Variants in CALN1 observed in about 807,000 individuals in gnomAD.
The protein encoded by CALN1 is calcium-binding protein 8.
Under a neutral mutation model 30.6 loss-of-function variants are expected in CALN1, and 17 were observed. That is an observed-to-expected ratio of 0.56 (90% confidence interval 0.38 to 0.83). The LOEUF (loss-of-function observed/expected upper bound fraction) is 0.83. CALN1 is among the 40% of genes least tolerant of loss of function. CALN1 has a pLI of 0.00. For synonymous variants in CALN1, 156 were observed against 131.4 expected (o/e 1.19, Z -1.28); for missense variants, 291 against 354.9 (o/e 0.82, Z 1.45).
chr7:71,831,149 A>T (rs1195654568), intron 5 of CALN1, among the ~76,000 whole-genome samples: 2 of 152,140 alleles, frequency 1.3e-5, no homozygotes, highest in Non-Finnish European at 2.9e-5. Context: ...ATGACTTGGA[A>T]TCTGTTTCCT....
At chr7:72,057,901 G>A (rs748103114) in intron 4 of CALN1, among the ~76,000 whole-genome samples, 2 of 152,166 alleles carry the variant, frequency 1.3e-5, no homozygotes, top group Non-Finnish European at 2.9e-5. Flanking sequence ...ACATGAAAGC[G>A]TTCTTGAGGG....
intron 5 of CALN1, among the ~76,000 whole-genome samples, chr7:71,846,950 C>A (rs13241494): frequency 7.1e-6 from 1 of 141,436 alleles, no homozygotes; most frequent in Non-Finnish European, 1.5e-5. Context: ...TGTATATATA[C>A]ATATATAATA....
intron 4 of CALN1, among the ~76,000 whole-genome samples, chr7:72,026,594 A>G (rs893070752): frequency 4.0e-5 from 6 of 151,788 alleles, no homozygotes; most frequent in African/African-American, 1.2e-4. Flanking sequence ...GGGGAAAAAA[A>G]AAATAGAGAG....
chr7:72,052,359 G>C (rs1802888021), intron 4 of CALN1, among the ~76,000 whole-genome samples: 3 of 152,126 alleles, frequency 2.0e-5, no homozygotes, highest in Admixed American at 6.5e-5. Context: ...TGGAGGGAAG[G>C]TAGAGAGAAG....
chr7:72,377,436 C>CGTGTGTGTGTGTGTGTGTGTGTGT (rs138060244), intron 2 of CALN1, among the ~76,000 whole-genome samples: 1 of 142,336 alleles, frequency 7.0e-6, no homozygotes, highest in East Asian at 2.1e-4. Flanking sequence ...GCCACACTTT[C>CGTGTGTGTGTGTGTGTGTGTGTGT]GTGTGTGTGT....
chr7:72,389,663 T>C (rs1488075606), intron 2 of CALN1, among the ~76,000 whole-genome samples: 2 of 152,194 alleles, frequency 1.3e-5, no homozygotes, highest in Non-Finnish European at 2.9e-5. Context: ...CTTGTGCCTG[T>C]AATCCCAACA....
chr7:72,458,074 G>A, the CALN1 span, among the ~76,000 whole-genome samples: 4 of 144,388 alleles, frequency 2.8e-5, no homozygotes. Flanking sequence ...TATTCTTAGT[G>A]CCTGGTACAG....
At chr7:72,257,071 A>C (rs1795962589) in intron 3 of CALN1, among the ~76,000 whole-genome samples, 1 of 152,190 alleles carries the variant, frequency 6.6e-6, no homozygotes. Context: ...GGGAGGCCTC[A>C]AGAAACTTAC....
intron 5 of CALN1, among the ~76,000 whole-genome samples, chr7:71,868,609 T>A (rs1445990457): frequency 6.6e-6 from 1 of 151,974 alleles, no homozygotes; most frequent in Non-Finnish European, 1.5e-5. Context: ...TGACCTCAGG[T>A]TATCCATCTG....
At chr7:72,320,909 C>A (rs1188691146) in intron 2 of CALN1, among the ~76,000 whole-genome samples, 2 of 150,648 alleles carry the variant, frequency 1.3e-5, no homozygotes, top group Non-Finnish European at 3.0e-5. Flanking sequence ...CTTTTGAAGT[C>A]ATGAGTCCAA....
At chr7:72,003,076 G>A (rs957751406) in intron 5 of CALN1, among the ~76,000 whole-genome samples, 1 of 152,134 alleles carries the variant, frequency 6.6e-6, no homozygotes, top group African/African-American at 2.4e-5. Flanking sequence ...TAATTGATAT[G>A]TTAATTAGCT....
intron 5 of CALN1, among the ~76,000 whole-genome samples, chr7:71,845,738 C>G (rs140341338): frequency 2.0e-5 from 3 of 152,090 alleles, no homozygotes; most frequent in South Asian, 4.2e-4. Flanking sequence ...TAGGGCTGAC[C>G]TGGGATTTCC....
At chr7:71,885,829 T>C (rs1792869663) in intron 5 of CALN1, among the ~76,000 whole-genome samples, 1 of 152,218 alleles carries the variant, frequency 6.6e-6, no homozygotes, top group Non-Finnish European at 1.5e-5. Flanking sequence ...TCTATTTTCA[T>C]CCTTTCCCCT....
chr7:72,279,036 T>A (rs937030712), intron 2 of CALN1, among the ~76,000 whole-genome samples: 5 of 152,132 alleles, frequency 3.3e-5, no homozygotes. Flanking sequence ...TACTTCATTT[T>A]CCCCATTTAA....
chr7:72,226,273 G>A (rs1204323994), intron 3 of CALN1, among the ~76,000 whole-genome samples: 3 of 151,582 alleles, frequency 2.0e-5, no homozygotes, highest in Non-Finnish European at 2.9e-5. Flanking sequence ...AAGAAAGAAA[G>A]AATTAGCAAT....
intron 4 of CALN1, among the ~76,000 whole-genome samples, chr7:72,045,984 G>A (rs1430232580): frequency 3.0e-5 from 4 of 133,234 alleles, no homozygotes; most frequent in South Asian, 5.0e-4. Context: ...GGGCAACAGC[G>A]AGACTCCCTC....
rs958445698 is a variant in CALN1 at position 71,924,901 on chromosome 7, A to G, written c.501+98756T>C. ...AAAGGATCAATTATTTTTAGGGTGA[A>G]TCAATAGAAATTGATTTAAAATAAA... On this transcript the variant is annotated intron_variant, in intron 5 of 6. Transcript: ENST00000395275. 3.9e-5 allele frequency among the ~76,000 whole-genome samples: 6 copies of G among 152,316 alleles called. No individual in the cohort carries two copies. The East Asian group carries it at 1.2e-3, about 29-fold the overall frequency.
chr7:72,009,718 T>A (rs1276064953), intron 5 of CALN1, among the ~76,000 whole-genome samples: 1 of 152,184 alleles, frequency 6.6e-6, no homozygotes, highest in Non-Finnish European at 1.5e-5. Context: ...AGTGAACAAG[T>A]CTTACAAGAT....
the CALN1 span, among the ~76,000 whole-genome samples, chr7:72,458,175 G>A: frequency 5.1e-4 from 33 of 64,628 alleles, no homozygotes; most frequent in Admixed American, 6.8e-4. Flanking sequence ...TTTATTTTAT[G>A]TATTATATTT....
Sources: allele counts gnomAD v4.1 joint callset (sites outside exome capture counted in the v4.1 genomes callset), GRCh38; gene constraint gnomAD v4.1.1; transcripts MANE v1.5; gene names NCBI Gene and HGNC (gene_info 2026-07-23, HGNC 2026-07-21).